The following SLC5A4 variants were observed in gnomAD, a reference collection of about 807,000 sequenced individuals.
SLC5A4 encodes the protein probable glucose sensor protein SLC5A4.
SLC5A4 carries 55 observed loss-of-function variants against 70.3 expected under a neutral mutation model. That is an observed-to-expected ratio of 0.78 (90% confidence interval 0.63 to 0.98). The LOEUF is 0.98. Ranked by LOEUF, SLC5A4 falls within the 50% of genes least tolerant of loss-of-function variation. The pLI is 0.00. For missense variants in SLC5A4, 735 were observed against 839.2 expected, an observed-to-expected ratio of 0.88 and a Z score of 1.53; for synonymous variants, 268 against 305.7, an observed-to-expected ratio of 0.88 and a Z score of 1.29.
At chr22:32,233,720 G>A (rs1246619579) in intron 8 of SLC5A4, among the ~76,000 whole-genome samples, 1 of 152,100 alleles carries the variant, frequency 6.6e-6, no homozygotes, top group African/African-American at 2.4e-5. Flanking sequence ...GCAGCACTTT[G>A]GGAGGCCAAG....
At chr22:32,336,218 C>A in the SLC5A4 span, among the ~76,000 whole-genome samples, 8 of 152,136 alleles carry the variant, frequency 5.3e-5, no homozygotes, top group Non-Finnish European at 1.0e-4. Flanking sequence ...GATCTCGCGT[C>A]TTCCACATTA....
At chr22:32,304,812 G>A in the SLC5A4 span, among the ~76,000 whole-genome samples, 1 of 151,714 alleles carries the variant, frequency 6.6e-6, no homozygotes, top group South Asian at 2.1e-4. Flanking sequence ...CCAAACCAAG[G>A]TCATCTAGAT....
At chr22:32,299,934 C>T in the SLC5A4 span, among the ~76,000 whole-genome samples, 1 of 113,782 alleles carries the variant, frequency 8.8e-6, no homozygotes, top group Non-Finnish European at 1.9e-5. Context: ...TCAGTGTGCC[C>T]CTGCTGGGGG....
chr22:32,348,694 T>C, the SLC5A4 span, among the ~76,000 whole-genome samples: 34 of 152,358 alleles, frequency 2.2e-4, no homozygotes, highest in African/African-American at 7.7e-4. Flanking sequence ...TAACTATTTA[T>C]AACTCTTTAT....
At chr22:32,238,908 A>G (rs532080520) in intron 6 of SLC5A4, 77 bp downstream of exon 6, 14 of 983,996 alleles carry the variant, frequency 1.4e-5, no homozygotes, top group South Asian at 1.3e-4. Flanking sequence ...CAAGGTTAAC[A>G]CTGAGAATGC....
At chr22:32,243,984 G>A (rs1478173184) in intron 5 of SLC5A4, among the ~76,000 whole-genome samples, 2 of 152,266 alleles carry the variant, frequency 1.3e-5, no homozygotes, top group East Asian at 1.9e-4. Context: ...GTGAGACTCT[G>A]TCTCTGTTTC....
At chr22:32,348,740 C>A in the SLC5A4 span, among the ~76,000 whole-genome samples, 1 of 151,944 alleles carries the variant, frequency 6.6e-6, no homozygotes, top group Non-Finnish European at 1.5e-5. Flanking sequence ...ATCAATGTTC[C>A]AAAAAACCCT....
chr22:32,327,898 A>T, the SLC5A4 span, among the ~76,000 whole-genome samples: 1 of 152,202 alleles, frequency 6.6e-6, no homozygotes. Context: ...CACCTCGGGC[A>T]TGGCATGGGA....
chr22:32,301,113 C>A, the SLC5A4 span, among the ~76,000 whole-genome samples: 1 of 152,190 alleles, frequency 6.6e-6, no homozygotes, highest in East Asian at 1.9e-4. Flanking sequence ...CAGGCGCCCA[C>A]CACTGCGCCC....
chr22:32,249,898 G>T (rs1247418483), intron 3 of SLC5A4, among the ~76,000 whole-genome samples: 3 of 151,116 alleles, frequency 2.0e-5, no homozygotes, highest in African/African-American at 7.3e-5. Context: ...AAATAATAAG[G>T]TTTTTTGGTG....
At chr22:32,290,834 A>G in the SLC5A4 span, among the ~76,000 whole-genome samples, 1 of 152,164 alleles carries the variant, frequency 6.6e-6, no homozygotes, top group Non-Finnish European at 1.5e-5. Flanking sequence ...TTATAATGTC[A>G]CTAATCCCAT....
intron 7 of SLC5A4, among the ~76,000 whole-genome samples, 175 bp from the exon 8 acceptor site, chr22:32,235,268 C>G (rs1384165284): frequency 1.3e-5 from 2 of 152,154 alleles, no homozygotes; most frequent in Non-Finnish European, 2.9e-5. Context: ...ATTGGCCATG[C>G]TACCAGATTT....
chr22:32,228,412 G>T (rs1925531367), intron 11 of SLC5A4, among the ~76,000 whole-genome samples: 1 of 151,552 alleles, frequency 6.6e-6, no homozygotes, highest in Non-Finnish European at 1.5e-5. Flanking sequence ...CATGGTGGCG[G>T]GCACCTGTAA....
At chr22:32,320,585 T>TA in the SLC5A4 span, among the ~76,000 whole-genome samples, 414 of 152,302 alleles carry the variant, frequency 2.7e-3, 2 homozygotes, top group Middle Eastern at 6.8e-3. Flanking sequence ...TCCTGGGTGT[T>TA]AGTCATTGAG....
the SLC5A4 span, among the ~76,000 whole-genome samples, chr22:32,261,699 T>G: frequency 6.6e-6 from 1 of 152,234 alleles, no homozygotes; most frequent in Non-Finnish European, 1.5e-5. Flanking sequence ...AACTTTGTGT[T>G]TGTTTGTTTT....
At chr22:32,230,699 G>C (rs1293380386) in intron 10 of SLC5A4, among the ~76,000 whole-genome samples, 2 of 152,148 alleles carry the variant, frequency 1.3e-5, no homozygotes, top group East Asian at 3.9e-4. Flanking sequence ...CTCTTTTATT[G>C]ACAAATGGAT....
Position 32,248,785 on chromosome 22 carries a change from C to T in SLC5A4, c.330G>A (p.Leu110=). Residue 110 remains leucine (L), a synonymous_variant, in exon 4 of 15, where the codon CTG becomes CTA. Coordinates refer to ENST00000266086, the MANE Select transcript of SLC5A4 (RefSeq NM_014227.3). ...TFEWTSSVML[L]ILGWIFVPIY... ...TAGGGACAAAGATCCACCCAAGAAT[C>T]AGCAACATTACTGAGGACTACAAGG... 6.2e-7 allele frequency: 1 copy of T among 1,612,996 alleles called. No individual in the cohort carries two copies. The highest frequency in any genetic ancestry group is 8.5e-7 in the Non-Finnish European group (1 of 1,179,034).
the SLC5A4 span, among the ~76,000 whole-genome samples, chr22:32,336,747 CT>C: frequency 1.3e-5 from 2 of 152,230 alleles, no homozygotes; most frequent in South Asian, 4.1e-4. Context: ...AATATTCACC[CT>C]TTGGCTGAAG....
chr22:32,331,358 C>T, the SLC5A4 span, among the ~76,000 whole-genome samples: 3 of 151,986 alleles, frequency 2.0e-5, no homozygotes, highest in African/African-American at 4.8e-5. Context: ...AGAAAAACGC[C>T]GCTGGCGAGA....
Sources: gnomAD v4.1 joint callset for allele counts (sites outside exome capture counted in the v4.1 genomes callset) on GRCh38, gnomAD v4.1.1 for gene constraint, MANE v1.5 for transcripts, NCBI Gene and HGNC (gene_info 2026-07-23, HGNC 2026-07-21) for gene names.